SPAG16: variants seen among roughly 807,000 people sequenced by gnomAD.
SPAG16 encodes sperm-associated antigen 16 protein.
SPAG16 carries 86 observed loss-of-function variants against 80.4 expected under a neutral mutation model. That is an observed-to-expected ratio of 1.07 (90% CI 0.90 to 1.28). SPAG16 has a LOEUF of 1.28. Ranked by LOEUF, SPAG16 falls within the 50% of genes most tolerant of loss-of-function variation. SPAG16 has a pLI of 0.00. For missense variants in SPAG16, 870 were observed against 765.3 expected (o/e 1.14, Z -1.61); for synonymous variants, 294 against 265.9 (o/e 1.11, Z -1.03).
chr2:213,984,836 T>G (rs2045927819), intron 12 of SPAG16, among the ~76,000 whole-genome samples: 1 of 152,066 alleles, frequency 6.6e-6, no homozygotes, highest in Non-Finnish European at 1.5e-5. Flanking sequence ...CCAAATAAGC[T>G]TATGCCTCAG....
At chr2:213,556,303 A>C (rs535118768) in intron 10 of SPAG16, among the ~76,000 whole-genome samples, 1 of 133,528 alleles carries the variant, frequency 7.5e-6, no homozygotes, top group East Asian at 2.2e-4. Context: ...GGGTCAAAAA[A>C]AAAAAAACCA....
intron 13 of SPAG16, among the ~76,000 whole-genome samples, chr2:214,033,746 A>G (rs1352877990): frequency 2.0e-5 from 3 of 152,158 alleles, no homozygotes; most frequent in Non-Finnish European, 2.9e-5. Context: ...TTTCTCCAAA[A>G]TATTGACTAA....
chr2:213,985,470 G>A (rs980365270), intron 12 of SPAG16, among the ~76,000 whole-genome samples: 1 of 152,014 alleles, frequency 6.6e-6, no homozygotes, highest in Non-Finnish European at 1.5e-5. Flanking sequence ...AAATCTATTT[G>A]CAAAGATAAA....
chr2:213,998,977 T>C (rs919249523), intron 12 of SPAG16, among the ~76,000 whole-genome samples: 5 of 152,152 alleles, frequency 3.3e-5, no homozygotes, highest in Non-Finnish European at 7.4e-5. Context: ...GTTAAAGGCA[T>C]TCAGTTTTAT....
chr2:213,913,873 TGAAG>T (rs1360207649), intron 11 of SPAG16, among the ~76,000 whole-genome samples: 6 of 152,120 alleles, frequency 3.9e-5, no homozygotes, highest in Non-Finnish European at 8.8e-5. Context: ...AGCTTAAATC[TGAAG>T]GAATTCCATC....
chr2:213,474,048 A>T (rs1483280854), intron 9 of SPAG16, among the ~76,000 whole-genome samples: 1 of 152,216 alleles, frequency 6.6e-6, no homozygotes, highest in Non-Finnish European at 1.5e-5. Flanking sequence ...GGCTGATGGC[A>T]GCATGGGTTG....
At chr2:213,381,591 A>G (rs1366184606) in intron 9 of SPAG16, among the ~76,000 whole-genome samples, 3 of 152,210 alleles carry the variant, frequency 2.0e-5, no homozygotes, top group Admixed American at 2.0e-4. Flanking sequence ...TTGAGCATAC[A>G]GAGGGAGAGC....
intron 15 of SPAG16, among the ~76,000 whole-genome samples, chr2:214,305,431 T>G (rs1459031486): frequency 6.6e-6 from 1 of 152,204 alleles, no homozygotes; most frequent in Non-Finnish European, 1.5e-5. Context: ...GGTGTCTTCA[T>G]CATGAAATCT....
chr2:213,855,025 CT>C (rs2075085123), intron 10 of SPAG16, among the ~76,000 whole-genome samples: 1 of 152,222 alleles, frequency 6.6e-6, no homozygotes, highest in Non-Finnish European at 1.5e-5. Flanking sequence ...CTCTCTGGTC[CT>C]TTTCAGAAAA....
chr2:214,282,570 A>G (rs558628385), intron 15 of SPAG16, among the ~76,000 whole-genome samples: 1 of 152,286 alleles, frequency 6.6e-6, no homozygotes, highest in South Asian at 2.1e-4. Context: ...ATAGGACACA[A>G]TTTCACAGAT....
chr2:214,099,419 C>T (rs76291470), intron 13 of SPAG16, among the ~76,000 whole-genome samples: 13,204 of 152,068 alleles, frequency 0.087, 747 homozygotes, highest in East Asian at 0.28. Context: ...AATTGCTATA[C>T]ACAAAGTACT....
intron 14 of SPAG16, among the ~76,000 whole-genome samples, chr2:214,114,515 C>G (rs2053834080): frequency 6.6e-6 from 1 of 152,108 alleles, no homozygotes; most frequent in Non-Finnish European, 1.5e-5. Context: ...TGGTGGATGC[C>G]CCTCCCCCTG....
At chr2:213,717,001 A>C (rs2066264973) in intron 10 of SPAG16, among the ~76,000 whole-genome samples, 1 of 152,136 alleles carries the variant, frequency 6.6e-6, no homozygotes, top group Non-Finnish European at 1.5e-5. Context: ...ATTGTTTGAC[A>C]GGCTTAGAGC....
At chr2:213,340,853 T>G (rs2064647455) in intron 6 of SPAG16, among the ~76,000 whole-genome samples, 1 of 152,124 alleles carries the variant, frequency 6.6e-6, no homozygotes, top group Non-Finnish European at 1.5e-5. Context: ...GAAAATAAAT[T>G]TACAATCCTT....
At chr2:213,874,942 T>C (rs1444853360) in intron 11 of SPAG16, among the ~76,000 whole-genome samples, 4 of 152,098 alleles carry the variant, frequency 2.6e-5, no homozygotes, top group Admixed American at 2.6e-4. Flanking sequence ...GTCATCCTTA[T>C]AGAAATATTA....
Position 214,211,872 on chromosome 2 carries a change from C to T in SPAG16, c.1720+62606C>T, listed in dbSNP as rs989853054. On this transcript the variant is annotated intron_variant, in intron 15 of 15. Coordinates refer to ENST00000331683, the MANE Select transcript of SPAG16 (RefSeq NM_024532.5). ...ATCTTTCCTTATACCCTACATTCCA[C>T]CCATCAGCAAGTCCTGCTGGTTTTC... Among the ~76,000 whole-genome samples the T allele has an allele frequency of 6.6e-5, 10 of 152,198 alleles. No individual in the cohort carries two copies. In the East Asian group the frequency reaches 1.9e-3, roughly 29 times the overall value.
intron 10 of SPAG16, among the ~76,000 whole-genome samples, chr2:213,684,236 G>T (rs988403162): frequency 1.3e-5 from 2 of 152,206 alleles, no homozygotes; most frequent in African/African-American, 4.8e-5. Context: ...CAAAAAACGT[G>T]TGACTAACTT....
Position 214,320,756 on chromosome 2 carries a change from A to T in SPAG16, c.1721-89384A>T, listed in dbSNP as rs112252274. ...GGGAAACTGCACCCATGATTCAATTACCTCCACCTGGTCTCTCCCTTGACA... is the reference window on the plus strand; with the variant it reads ...GGGAAACTGCACCCATGATTCAATTTCCTCCACCTGGTCTCTCCCTTGACA... On this transcript the variant is annotated intron_variant, in intron 15 of 15. Transcript: ENST00000331683. 3.0e-3 allele frequency among the ~76,000 whole-genome samples: 462 copies of T among 152,204 alleles called. 3 individuals are homozygous for T. Among genetic ancestry groups the T allele is most frequent in the African/African-American group, 1.0e-2 (415 of 41,530 alleles).
At chr2:213,340,348 A>G (rs2064618935) in intron 6 of SPAG16, 78 bp downstream of exon 6, 1 of 1,032,016 alleles carries the variant, frequency 9.7e-7, no homozygotes. Flanking sequence ...ACAAAGTTTT[A>G]GACAAAGTTA....
Sources: gnomAD v4.1 joint callset for allele counts (sites outside exome capture counted in the v4.1 genomes callset) on GRCh38, gnomAD v4.1.1 for gene constraint, MANE v1.5 for transcripts, NCBI Gene and HGNC (gene_info 2026-07-23, HGNC 2026-07-21) for gene names.